Variants in RASSF6 observed in about 807,000 individuals in gnomAD.
RASSF6 encodes the protein ras association domain-containing protein 6.
In RASSF6, 52 loss-of-function variants were observed where a neutral mutation model predicts 44.0. The observed-to-expected ratio is 1.18, with a 90% confidence interval of 0.95 to 1.49. RASSF6 has a LOEUF of 1.49. RASSF6 is among the 40% of genes most tolerant of loss of function. The pLI, the probability that RASSF6 is intolerant of heterozygous loss-of-function variation, is 0.00. For synonymous variants in RASSF6, 162 were observed against 124.6 expected (o/e 1.30, Z -2.00); for missense variants, 464 against 393.3 (o/e 1.18, Z -1.52).
chr4:73,602,046 C>T (rs1725310548), intron 2 of RASSF6, among the ~76,000 whole-genome samples: 1 of 152,072 alleles, frequency 6.6e-6, no homozygotes, highest in Non-Finnish European at 1.5e-5. Flanking sequence ...AAGAGTTTAC[C>T]TGGCAAAGAA....
chr4:73,611,832 A>T lies in RASSF6; in HGVS notation c.-34-3T>A. On this transcript the variant is annotated splice_polypyrimidine_tract_variant and splice_region_variant and intron_variant, in intron 1 of 10. Transcript: ENST00000307439. ...TTTTGAGATGGTCTGAGGATATCCT[A>T]AACATGAGAATAATATTAATGATTT... The T allele has an allele frequency of 6.4e-7, 1 of 1,558,324 alleles. No individual in the cohort carries two copies. The highest frequency in any genetic ancestry group is 8.8e-7 in the Non-Finnish European group (1 of 1,130,480).
At position 73,593,477 on chromosome 4, in the gene RASSF6, C is replaced by G; in HGVS notation, c.261G>C (p.Lys87Asn). 1 of 1,612,988 alleles carries G rather than the reference C, an allele frequency of 6.2e-7. No homozygotes were observed. Among genetic ancestry groups the G allele is most frequent in the East Asian group, 2.2e-5 (1 of 44,848 alleles). The change falls in exon 4 of 11, where the codon AAG becomes AAC. Residue 87 changes from lysine to asparagine, a missense_variant. By Grantham distance (94) the Lys-to-Asn change is moderately conservative. Coordinates refer to ENST00000307439, the MANE Select transcript of RASSF6 (RefSeq NM_177532.5). The stretch of plus-strand genomic sequence containing the variant: ...CTTTGCTGGAGAAGACGTCTGATGA[C>G]TTCATACTAGTAAAAGAAGAGAATG... Reference protein sequence around the residue: ...EKPFSSFTSMKSSDVFSSKGM... With the variant: ...EKPFSSFTSMNSSDVFSSKGM...
At chr4:73,616,253 CTAT>C (rs1726354378) in intron 1 of RASSF6, among the ~76,000 whole-genome samples, 1 of 151,388 alleles carries the variant, frequency 6.6e-6, no homozygotes, top group Non-Finnish European at 1.5e-5. Flanking sequence ...ATCTATCTAT[CTAT>C]CTATCTATCT....
chr4:73,610,432 C>T (rs1307818670), intron 2 of RASSF6, among the ~76,000 whole-genome samples: 1 of 152,160 alleles, frequency 6.6e-6, no homozygotes, highest in Non-Finnish European at 1.5e-5. Flanking sequence ...GCTCAATATC[C>T]TTCCACAGCT....
chr4:73,618,301 T>TTATCTATCTATCTATCATCTATC (rs1726493214), intron 1 of RASSF6, among the ~76,000 whole-genome samples: 1 of 150,216 alleles, frequency 6.7e-6, no homozygotes, highest in Admixed American at 6.7e-5. Context: ...TATAAAGTTG[T>TTATCTATCTATCTATCATCTATC]TATCTATCTA....
At position 73,576,213 on chromosome 4, in the gene RASSF6, T is replaced by C. The variant is rs1193774698; in HGVS notation, c.*22A>G. 2 of 1,373,900 alleles carry C rather than the reference T, an allele frequency of 1.5e-6. No homozygotes were observed. Among genetic ancestry groups the C allele is most frequent in the East Asian group, 4.6e-5 (2 of 43,564 alleles). The allele number at this position is 1,373,900 out of a possible 1,614,324, so 85.1% of individuals were successfully genotyped here. On this transcript the variant is annotated 3_prime_UTR_variant, in exon 11 of 11. Transcript: ENST00000307439. ...ATATCTCTGAGTTTTTTGAAATGTT[T>C]TAGCAATAGAAGCTTGTACTGCTAA...
In RASSF6 at chr4:73,596,731, G is replaced by A. The variant is rs573146641; in HGVS notation, c.144+1909C>T. Among the ~76,000 whole-genome samples, 104 of 152,136 alleles carry A rather than the reference G, an allele frequency of 6.8e-4. 1 individual carries two copies. Among genetic ancestry groups the A allele is most frequent in the South Asian group, 1.5e-3 (7 of 4,818 alleles). ...TACCTGTCTTCAAACTATACTACTG[G>A]GCTACAGTAACCAAAACAGCATGAT... On this transcript the variant is annotated intron_variant, in intron 3 of 10. Transcript: ENST00000307439.
At chr4:73,598,453 A>G (rs1377450461) in intron 3 of RASSF6, among the ~76,000 whole-genome samples, 187 bp downstream of exon 3, 1 of 152,236 alleles carries the variant, frequency 6.6e-6, no homozygotes, top group Admixed American at 6.5e-5. Flanking sequence ...AAAATATGTC[A>G]TTAAAATTTT....
intron 5 of RASSF6, among the ~76,000 whole-genome samples, chr4:73,587,393 G>A (rs1724180049): frequency 6.6e-6 from 1 of 152,012 alleles, no homozygotes; most frequent in Admixed American, 6.6e-5. Context: ...TTTCTGAGAA[G>A]TAATGTTATT....
intron 6 of RASSF6, among the ~76,000 whole-genome samples, chr4:73,582,839 A>AAC (rs141094236): frequency 0.27 from 40,160 of 151,534 alleles, 5,481 homozygotes; most frequent in Admixed American, 0.4. Context: ...CCACACATGT[A>AAC]ACACGCACAC....
intron 7 of RASSF6, 106 bp downstream of exon 7, chr4:73,582,083 A>G (rs2008288): frequency 0.27 from 178,675 of 672,434 alleles, 25,007 homozygotes; most frequent in Admixed American, 0.41. Context: ...TCAACATCCA[A>G]TTTAGATTTA....
chr4:73,596,059 G>A (rs923386698), intron 3 of RASSF6, among the ~76,000 whole-genome samples: 4 of 152,080 alleles, frequency 2.6e-5, no homozygotes, highest in African/African-American at 9.7e-5. Context: ...GAGACGTGTG[G>A]AGAATGAAAC....
At chr4:73,602,237 C>G (rs774615567) in intron 2 of RASSF6, among the ~76,000 whole-genome samples, 15 of 152,080 alleles carry the variant, frequency 9.9e-5, no homozygotes, top group Non-Finnish European at 2.2e-4. Flanking sequence ...AGATTCTAGG[C>G]AGGTGAAAGA....
In RASSF6 at chr4:73,585,269, C is replaced by T. The variant is rs758575865; in HGVS notation, c.478G>A (p.Val160Met). 37 of 1,612,674 alleles carry T rather than the reference C, an allele frequency of 2.3e-5. No homozygotes were observed. Among genetic ancestry groups the T allele is most frequent in the Non-Finnish European group, 2.6e-5 (31 of 1,179,194 alleles). Residue 160 changes from valine (V) to methionine (M), a missense_variant, in exon 6 of 11, where the codon GTG (valine) becomes ATG (methionine). Coordinates refer to ENST00000307439, the MANE Select transcript of RASSF6 (RefSeq NM_177532.5). ...ATCAGAGGCTTCATCCTTTTTCTCA[C>T]CAGAGCTGCTTCACTCATGGTTCTA... ...LYRTMSEAAL[V>M]RKRMKPLMMD...
rs1032355494 is a variant in RASSF6, at chr4:73,573,901, A to T, written c.*2334T>A. The T allele has an allele frequency of 1.3e-5, 2 of 152,266 alleles. No individual in the cohort carries two copies. The highest frequency in any genetic ancestry group is 4.8e-5 in the African/African-American group (2 of 41,450). The allele number at this position is 152,266 out of a possible 1,614,324, so 9.4% of individuals were successfully genotyped here. ...TTTGTCAGTAGAGGGCGCTGGAGACACACTGCAAGAGGAAGGGGTCTTTCC... is the reference window on the plus strand; with the variant it reads ...TTTGTCAGTAGAGGGCGCTGGAGACTCACTGCAAGAGGAAGGGGTCTTTCC... On this transcript the variant is annotated 3_prime_UTR_variant, in exon 11 of 11. Coordinates refer to ENST00000307439, the MANE Select transcript of RASSF6 (RefSeq NM_177532.5).
intron 6 of RASSF6, among the ~76,000 whole-genome samples, chr4:73,583,345 T>C (rs143145396): frequency 6.6e-6 from 1 of 152,150 alleles, no homozygotes; most frequent in Non-Finnish European, 1.5e-5. Flanking sequence ...ATCTATAGTC[T>C]TTATATCAGT....
intron 4 of RASSF6, among the ~76,000 whole-genome samples, chr4:73,588,858 A>G (rs985776023): frequency 1.1e-4 from 16 of 151,786 alleles, no homozygotes; most frequent in African/African-American, 3.9e-4. Flanking sequence ...TGGGCCAGGA[A>G]CCATTAGGGA....
At chr4:73,604,858 T>C (rs1248108550) in intron 2 of RASSF6, among the ~76,000 whole-genome samples, 2 of 151,818 alleles carry the variant, frequency 1.3e-5, no homozygotes, top group African/African-American at 2.4e-5. Context: ...GTTATAATTC[T>C]ATATACCTTA....
rs781287158 is a variant in RASSF6, at chr4:73,576,330, A to G, written c.939-20T>C. On this transcript the variant is annotated intron_variant, in intron 10 of 10. Transcript: ENST00000307439. The stretch of plus-strand genomic sequence containing the variant: ...TTGAATCTGAAAATGAGAAGAAGAA[A>G]GACTATTAAAAATTGGACATATTTT... The G allele has an allele frequency of 4.0e-6, 6 of 1,514,324 alleles. No individual in the cohort carries two copies. Among genetic ancestry groups the G allele is most frequent in the Non-Finnish European group, 5.5e-6 (6 of 1,097,636 alleles). The allele number at this position is 1,514,324 out of a possible 1,614,324, so 93.8% of individuals were successfully genotyped here.
Sources: gnomAD v4.1 joint callset for allele counts (sites outside exome capture counted in the v4.1 genomes callset) on GRCh38, gnomAD v4.1.1 for gene constraint, MANE v1.5 for transcripts, NCBI Gene and HGNC (gene_info 2026-07-23, HGNC 2026-07-21) for gene names.